NTM: variants seen among roughly 807,000 people sequenced by gnomAD.
NTM encodes neurotrimin, also known as IgLON family member 2.
NTM carries 13 observed loss-of-function variants against 42.1 expected under a neutral mutation model. The observed-to-expected ratio is 0.31, with a 90% CI of 0.20 to 0.49. NTM has a LOEUF of 0.49. NTM is among the 20% of genes least tolerant of loss of function. NTM has a pLI of 0.99. For synonymous variants in NTM, 187 were observed against 179.2 expected (o/e 1.04, Z -0.35); for missense variants, 373 against 452.8 (o/e 0.82, Z 1.60).
At chr11:131,592,380 G>A (rs371026716) in intron 1 of NTM, among the ~76,000 whole-genome samples, 84 of 152,158 alleles carry the variant, frequency 5.5e-4, no homozygotes, top group African/African-American at 1.9e-3. Flanking sequence ...TAAGATCCAC[G>A]AAGTCTAGCC....
At chr11:132,140,858 G>A (rs2068955505) in intron 2 of NTM, among the ~76,000 whole-genome samples, 1 of 152,186 alleles carries the variant, frequency 6.6e-6, no homozygotes. Flanking sequence ...AATGCTCAGA[G>A]GCACCAAACT....
At chr11:131,840,632 C>CA (rs1199082749) in intron 1 of NTM, among the ~76,000 whole-genome samples, 7 of 150,248 alleles carry the variant, frequency 4.7e-5, no homozygotes, top group African/African-American at 7.3e-5. Context: ...GACACCTGTC[C>CA]AAAAAAAAGA....
chr11:131,978,625 C>T (rs1005664911), intron 2 of NTM, among the ~76,000 whole-genome samples: 2 of 152,144 alleles, frequency 1.3e-5, no homozygotes, highest in East Asian at 1.9e-4. Context: ...GCTCCCGCAG[C>T]AGTAACCTAA....
At chr11:132,250,884 G>C (rs117015827) in intron 4 of NTM, among the ~76,000 whole-genome samples, 1 of 151,890 alleles carries the variant, frequency 6.6e-6, no homozygotes, top group South Asian at 2.1e-4. Flanking sequence ...ATTTTATGCT[G>C]TTCTCACTCT....
At position 132,109,074 on chromosome 11, in the gene NTM, T is replaced by A. The variant is rs150117762; in HGVS notation, c.168-37208T>A. Among the ~76,000 whole-genome samples the A allele has an allele frequency of 9.2e-3, 1,401 of 152,352 alleles. 9 individuals are homozygous for A. The highest frequency in any genetic ancestry group is 0.014 in the Non-Finnish European group (930 of 68,044). ...GCTGCATAGTGTTCCATGGTGAATA[T>A]GTGCCACATTTTCTTTATCCAGTCT... is the stretch of plus-strand genomic sequence containing the variant. On this transcript the variant is annotated intron_variant, in intron 2 of 8. Transcript: ENST00000683400.
intron 2 of NTM, among the ~76,000 whole-genome samples, chr11:131,933,528 A>G (rs2058865703): frequency 6.6e-6 from 1 of 152,112 alleles, no homozygotes; most frequent in South Asian, 2.1e-4. Context: ...GTGATTATTT[A>G]AGGTTATGCA....
At chr11:131,731,003 G>T (rs2079608252) in intron 1 of NTM, among the ~76,000 whole-genome samples, 1 of 152,110 alleles carries the variant, frequency 6.6e-6, no homozygotes, top group Admixed American at 6.5e-5. Context: ...AGAACTACGA[G>T]GCTGCTTTTT....
At chr11:131,463,026 T>C (rs549629543) in intron 1 of NTM, among the ~76,000 whole-genome samples, 31 of 152,264 alleles carry the variant, frequency 2.0e-4, no homozygotes, top group African/African-American at 6.7e-4. Context: ...ACATCTTCTT[T>C]GCATGCAGTG....
At chr11:131,950,706 ATATAG>A (rs1427778127) in intron 2 of NTM, among the ~76,000 whole-genome samples, 1 of 152,210 alleles carries the variant, frequency 6.6e-6, no homozygotes, top group Non-Finnish European at 1.5e-5. Context: ...TAGATACTGT[ATATAG>A]ACTGCCTGGC....
chr11:131,692,534 TGAGA>T (rs919430061), intron 1 of NTM, among the ~76,000 whole-genome samples: 1 of 146,946 alleles, frequency 6.8e-6, no homozygotes, highest in Admixed American at 6.6e-5. Flanking sequence ...TTGAAGAAAC[TGAGA>T]GAGAAAGAGA....
At position 131,450,144 on chromosome 11, in the gene NTM, C is replaced by G. The variant is rs140864667; in HGVS notation, c.82+79256C>G. Among the ~76,000 whole-genome samples, 21 of 152,276 alleles carry G rather than the reference C, an allele frequency of 1.4e-4. No individual in the cohort carries two copies. The East Asian group carries it at 4.1e-3, about 29-fold the overall frequency. On this transcript the variant is annotated intron_variant, in intron 1 of 8. Transcript: ENST00000683400. ...AGTCACTGCCACTTACTTTGTCCTGCAAAATAACTTCCCAAAGACTACACT... is the reference window on the plus strand; with the variant it reads ...AGTCACTGCCACTTACTTTGTCCTGGAAAATAACTTCCCAAAGACTACACT...
intron 1 of NTM, among the ~76,000 whole-genome samples, chr11:131,685,365 G>T (rs1362683269): frequency 6.6e-6 from 1 of 152,184 alleles, no homozygotes; most frequent in African/African-American, 2.4e-5. Context: ...CTCATGGAGA[G>T]TCGGGCAGGC....
At chr11:131,609,390 G>A (rs1362512477) in intron 1 of NTM, among the ~76,000 whole-genome samples, 6 of 152,220 alleles carry the variant, frequency 3.9e-5, no homozygotes, top group African/African-American at 1.4e-4. Flanking sequence ...ACAGGACTGA[G>A]TCTGAGAGAA....
chr11:131,777,086 G>T (rs907067606), intron 1 of NTM: 80 of 957,120 alleles, frequency 8.4e-5, no homozygotes, highest in Admixed American at 5.6e-4. Flanking sequence ...GGTGTTGGAA[G>T]AAATTATTGA....
At chr11:132,031,262 T>C (rs1437890631) in intron 2 of NTM, among the ~76,000 whole-genome samples, 1 of 152,214 alleles carries the variant, frequency 6.6e-6, no homozygotes, top group East Asian at 1.9e-4. Flanking sequence ...CTTTTACTCT[T>C]TTTGTAAAGG....
At chr11:132,056,837 C>T (rs570390715) in intron 2 of NTM, among the ~76,000 whole-genome samples, 4 of 152,152 alleles carry the variant, frequency 2.6e-5, no homozygotes, top group African/African-American at 4.8e-5. Context: ...TCCACAAATC[C>T]CCCAGTGCAC....
rs184872208 is a variant in NTM, at chr11:132,002,472, C to G, written c.167+90824C>G. Among the ~76,000 whole-genome samples the G allele has an allele frequency of 6.6e-6, 1 of 152,044 alleles. No individual in the cohort carries two copies. Among genetic ancestry groups the G allele is most frequent in the Non-Finnish European group, 1.5e-5 (1 of 67,998 alleles). The stretch of plus-strand genomic sequence containing the variant: ...GAGTGTCAGTGATCAACAATTAACC[C>G]TACGTCTCAATTCATCATAAGCAAA... On this transcript the variant is annotated intron_variant, in intron 2 of 8. Transcript: ENST00000683400. The surrounding 1 kb of genome is among the most constrained non-coding windows in gnomAD (Gnocchi z 4.5).
At chr11:131,903,090 G>T (rs2053389758) in intron 1 of NTM, among the ~76,000 whole-genome samples, 1 of 151,520 alleles carries the variant, frequency 6.6e-6, no homozygotes, top group African/African-American at 2.4e-5. Flanking sequence ...GTGGGAAGAG[G>T]TAGATACAGG....
intron 2 of NTM, among the ~76,000 whole-genome samples, chr11:131,991,436 G>C (rs185762183): frequency 3.9e-5 from 6 of 152,158 alleles, no homozygotes; most frequent in African/African-American, 1.4e-4. Flanking sequence ...GATTACTTTA[G>C]TCTTTCATTT....
Sources: gnomAD v4.1 joint callset for allele counts (sites outside exome capture counted in the v4.1 genomes callset) on GRCh38, gnomAD v4.1.1 for gene constraint, Gnocchi (gnomAD v3.1) non-coding constraint, MANE v1.5 for transcripts, NCBI Gene and HGNC (gene_info 2026-07-23, HGNC 2026-07-21) for gene names.